NCAM1: variants seen among roughly 807,000 people sequenced by gnomAD.
NCAM1 encodes the protein antigen recognized by monoclonal antibody 5.1H11.
Under a neutral mutation model 109.8 loss-of-function variants are expected in NCAM1, and 14 were observed. That is an observed-to-expected ratio of 0.13 (90% CI 0.08 to 0.20). The LOEUF (loss-of-function observed/expected upper bound fraction) is 0.20, where lower values mean the gene tolerates loss of function less well. Ranked by LOEUF, NCAM1 falls within the 10% of genes least tolerant of loss-of-function variation. The probability of loss-of-function intolerance (pLI) is 1.00; values close to 1 mark genes in which losing one functional copy is unlikely to be tolerated. For missense variants in NCAM1, 774 were observed against 1,109.9 expected, an observed-to-expected ratio of 0.70 and a Z score of 4.30; for synonymous variants, 418 against 442.9, an observed-to-expected ratio of 0.94 and a Z score of 0.70.
chr11:113,265,656 CCT>C (rs1486456042), intron 17 of NCAM1, among the ~76,000 whole-genome samples: 2 of 152,146 alleles, frequency 1.3e-5, no homozygotes, highest in African/African-American at 4.8e-5. Flanking sequence ...CCTGCAAGCC[CCT>C]GAGACCAGCC....
At chr11:113,107,412 A>G (rs1451220073) in intron 1 of NCAM1, among the ~76,000 whole-genome samples, 1 of 152,212 alleles carries the variant, frequency 6.6e-6, no homozygotes, top group Non-Finnish European at 1.5e-5. Context: ...ATGAAGAAAG[A>G]AAAGACTACT....
At chr11:113,096,470 G>T (rs547077797) in intron 1 of NCAM1, among the ~76,000 whole-genome samples, 1 of 152,076 alleles carries the variant, frequency 6.6e-6, no homozygotes, top group Non-Finnish European at 1.5e-5. Flanking sequence ...TGTGTGTTAC[G>T]TTCAGGTTAA....
At chr11:113,224,331 A>T (rs60596558) in intron 9 of NCAM1, among the ~76,000 whole-genome samples, 3,996 of 152,294 alleles carry the variant, frequency 0.026, 181 homozygotes, top group African/African-American at 0.091. Context: ...AGCCTCGCTC[A>T]TTGCTAGCAC....
intron 1 of NCAM1, among the ~76,000 whole-genome samples, chr11:113,052,434 A>G (rs1953536731): frequency 6.6e-6 from 1 of 152,168 alleles, no homozygotes; most frequent in Non-Finnish European, 1.5e-5. Context: ...GAAGCCTAGC[A>G]GCAGTCCCTC....
At chr11:113,127,795 G>T (rs1429920104) in intron 1 of NCAM1, among the ~76,000 whole-genome samples, 1 of 152,164 alleles carries the variant, frequency 6.6e-6, no homozygotes, top group Non-Finnish European at 1.5e-5. Context: ...ATAGTCCGGT[G>T]GTTCTCAATT....
chr11:113,162,850 C>T (rs868908908), intron 1 of NCAM1, among the ~76,000 whole-genome samples: 1 of 152,116 alleles, frequency 6.6e-6, no homozygotes, highest in African/African-American at 2.4e-5. Flanking sequence ...AGTGGCCACC[C>T]GAGCACATAT....
At chr11:113,093,684 A>G (rs1565432001) in intron 1 of NCAM1, among the ~76,000 whole-genome samples, 1 of 152,228 alleles carries the variant, frequency 6.6e-6, no homozygotes, top group Non-Finnish European at 1.5e-5. Context: ...CATGCTCAGT[A>G]TCTACCAACA....
At chr11:113,052,451 C>G (rs1953538368) in intron 1 of NCAM1, among the ~76,000 whole-genome samples, 1 of 152,082 alleles carries the variant, frequency 6.6e-6, no homozygotes, top group African/African-American at 2.4e-5. Flanking sequence ...CCTCCCCACC[C>G]CCGCACCTCC....
intron 7 of NCAM1, 68 bp from the exon 8 acceptor site, chr11:113,214,301 C>A: frequency 6.5e-7 from 1 of 1,531,924 alleles, no homozygotes; most frequent in Non-Finnish European, 9.0e-7. Flanking sequence ...TGGATAGGTG[C>A]ATGCCATCAT....
chr11:113,238,768 G>A (rs1359013696), intron 14 of NCAM1, among the ~76,000 whole-genome samples: 2 of 152,208 alleles, frequency 1.3e-5, no homozygotes, highest in African/African-American at 4.8e-5. Flanking sequence ...CCCCTGTCCT[G>A]TAATACTGTT....
intron 1 of NCAM1, among the ~76,000 whole-genome samples, chr11:113,177,693 CA>C: frequency 6.6e-6 from 1 of 152,222 alleles, no homozygotes. Context: ...CTCAGCCTCC[CA>C]AAGTGCTGGG....
intron 9 of NCAM1, among the ~76,000 whole-genome samples, chr11:113,225,429 A>G (rs113283629): frequency 1.3e-5 from 2 of 152,246 alleles, no homozygotes; most frequent in African/African-American, 4.8e-5. Flanking sequence ...ATATGGGACT[A>G]TGTGAAAAGA....
At chr11:112,992,808 G>GA (rs1233063503) in intron 1 of NCAM1, among the ~76,000 whole-genome samples, 2 of 152,038 alleles carry the variant, frequency 1.3e-5, no homozygotes, top group Admixed American at 1.3e-4. Flanking sequence ...CACCCGGCCT[G>GA]AAAAATCACT....
intron 1 of NCAM1, among the ~76,000 whole-genome samples, chr11:113,120,218 G>A (rs1174314003): frequency 6.6e-6 from 1 of 152,218 alleles, no homozygotes; most frequent in Non-Finnish European, 1.5e-5. Flanking sequence ...TTAAGAATTG[G>A]TAGTGTTAAT....
At position 113,231,847 on chromosome 11, in the gene NCAM1, A is replaced by C. The variant is rs1173583143; in HGVS notation, c.1240+52A>C. On this transcript the variant is annotated intron_variant, in intron 10 of 19. Transcript: ENST00000316851. Reference sequence around the variant, plus strand: ...GGGGAGGGAGGGGCAAGGCAGGGTCAGGATGAGAGAGGAAAACATCAGCAA... The same window carrying C: ...GGGGAGGGAGGGGCAAGGCAGGGTCCGGATGAGAGAGGAAAACATCAGCAA... The C allele has an allele frequency of 1.5e-5, 24 of 1,602,864 alleles. 1 individual carries two copies. The highest frequency in any genetic ancestry group is 1.7e-5 in the Non-Finnish European group (20 of 1,172,090).
chr11:113,023,297 T>C (rs1555076571), intron 1 of NCAM1, among the ~76,000 whole-genome samples: 1 of 152,196 alleles, frequency 6.6e-6, no homozygotes, highest in Non-Finnish European at 1.5e-5. Context: ...ATTGATTCCC[T>C]CTTAGTAGTC....
At chr11:112,967,451 C>G (rs571301860) in intron 1 of NCAM1, among the ~76,000 whole-genome samples, 1 of 152,148 alleles carries the variant, frequency 6.6e-6, no homozygotes, top group African/African-American at 2.4e-5. Context: ...GGTAGATAAC[C>G]CTGGGTTGAA....
chr11:113,100,125 TC>T (rs1170418712), intron 1 of NCAM1, among the ~76,000 whole-genome samples: 2 of 152,152 alleles, frequency 1.3e-5, no homozygotes, highest in Non-Finnish European at 2.9e-5. Context: ...TACTGCCCTC[TC>T]CTGTTATTTT....
intron 1 of NCAM1, among the ~76,000 whole-genome samples, chr11:113,051,784 G>A (rs7950359): frequency 0.47 from 71,342 of 152,026 alleles, 17,497 homozygotes; most frequent in East Asian, 0.81. Context: ...GTTTGCTTCA[G>A]TTTTTCTCTC....
Sources: gnomAD v4.1 joint callset for allele counts (sites outside exome capture counted in the v4.1 genomes callset) on GRCh38, gnomAD v4.1.1 for gene constraint, MANE v1.5 for transcripts, NCBI Gene and HGNC (gene_info 2026-07-23, HGNC 2026-07-21) for gene names.